TANC2: variants seen among roughly 807,000 people sequenced by gnomAD.
The protein encoded by TANC2 is protein TANC2.
In TANC2, 26 loss-of-function variants were observed where a neutral mutation model predicts 210.5. The ratio of observed to expected loss-of-function variants is 0.12; its 90% confidence interval spans 0.09 to 0.17. The LOEUF (loss-of-function observed/expected upper bound fraction) is 0.17, where lower values mean the gene tolerates loss of function less well. TANC2 is among the 10% of genes least tolerant of loss of function. The pLI is 1.00. For synonymous variants in TANC2, 931 were observed against 967.1 expected (o/e 0.96, Z 0.69); for missense variants, 2,129 against 2,608.9 (o/e 0.82, Z 4.01).
intron 4 of TANC2, among the ~76,000 whole-genome samples, chr17:63,106,309 A>G (rs1461883809): frequency 6.6e-6 from 1 of 151,724 alleles, no homozygotes; most frequent in African/African-American, 2.4e-5. Context: ...AGATTTTAGT[A>G]AGGCTCTATT....
intron 9 of TANC2, among the ~76,000 whole-genome samples, chr17:63,268,514 T>C (rs1238325514): frequency 6.6e-6 from 1 of 152,198 alleles, no homozygotes; most frequent in Non-Finnish European, 1.5e-5. Context: ...ATGCAAATAT[T>C]CCAAAGTCCA....
intron 17 of TANC2, among the ~76,000 whole-genome samples, chr17:63,392,350 A>G (rs2048008215): frequency 6.6e-6 from 1 of 152,216 alleles, no homozygotes; most frequent in Admixed American, 6.5e-5. Context: ...ATCACTCAGC[A>G]TCTTTACCCT....
intron 2 of TANC2, among the ~76,000 whole-genome samples, chr17:63,022,010 T>TC: frequency 1.3e-5 from 2 of 152,230 alleles, no homozygotes; most frequent in Admixed American, 1.3e-4. Context: ...CTGCAATGTG[T>TC]CCATGCCCTA....
chr17:63,082,942 T>G (rs1331877734), intron 3 of TANC2, among the ~76,000 whole-genome samples: 1 of 152,244 alleles, frequency 6.6e-6, no homozygotes, highest in Non-Finnish European at 1.5e-5. Flanking sequence ...TTCAAAGAGA[T>G]ACAGCCAAAT....
chr17:63,314,292 A>T (rs988086217), intron 9 of TANC2, 96 bp from the exon 10 acceptor site: 1 of 1,363,038 alleles, frequency 7.3e-7, no homozygotes, highest in African/African-American at 1.4e-5. Flanking sequence ...ATCATATGAT[A>T]ACTCAAGTCC....
intron 3 of TANC2, among the ~76,000 whole-genome samples, chr17:63,076,103 T>C (rs1209231246): frequency 6.6e-6 from 1 of 152,150 alleles, no homozygotes; most frequent in Non-Finnish European, 1.5e-5. Context: ...GGAGATGCAG[T>C]GACAATTGGT....
chr17:63,184,723 G>C (rs1023044000), intron 5 of TANC2, among the ~76,000 whole-genome samples: 1 of 149,282 alleles, frequency 6.7e-6, no homozygotes, highest in Admixed American at 6.7e-5. Context: ...GCACGATCTC[G>C]GCTCACTGCA....
chr17:63,239,954 A>T (rs1015659411), intron 8 of TANC2, among the ~76,000 whole-genome samples: 8 of 151,986 alleles, frequency 5.3e-5, no homozygotes, highest in Non-Finnish European at 8.8e-5. Context: ...CTTTTAAATG[A>T]CCCATTCTCT....
At chr17:63,051,588 TTATTA>T (rs1271542236) in intron 2 of TANC2, among the ~76,000 whole-genome samples, 2 of 152,190 alleles carry the variant, frequency 1.3e-5, no homozygotes, top group Non-Finnish European at 2.9e-5. Context: ...AAATTAAACT[TTATTA>T]TAGCTATGTA....
At chr17:63,086,315 T>G (rs1191616515) in intron 3 of TANC2, among the ~76,000 whole-genome samples, 1 of 152,120 alleles carries the variant, frequency 6.6e-6, no homozygotes, top group Non-Finnish European at 1.5e-5. Context: ...CCTTAAATAT[T>G]TCTTCTTCTG....
intron 7 of TANC2, among the ~76,000 whole-genome samples, chr17:63,214,023 G>A (rs909056443): frequency 6.6e-6 from 1 of 152,196 alleles, no homozygotes; most frequent in Non-Finnish European, 1.5e-5. Context: ...AAATGTAAGG[G>A]AAGATACTAC....
chr17:63,275,873 A>G (rs1292613819), intron 9 of TANC2, among the ~76,000 whole-genome samples: 1 of 152,182 alleles, frequency 6.6e-6, no homozygotes, highest in Non-Finnish European at 1.5e-5. Flanking sequence ...TAACTCTGCA[A>G]GATATCTCAC....
intron 4 of TANC2, among the ~76,000 whole-genome samples, chr17:63,126,002 A>G (rs1258207088): frequency 2.6e-5 from 4 of 152,288 alleles, no homozygotes; most frequent in Non-Finnish European, 4.4e-5. Flanking sequence ...CCTCTCCCTC[A>G]GTTTCCGCAT....
At chr17:63,052,567 A>G (rs1480818108) in intron 2 of TANC2, among the ~76,000 whole-genome samples, 1 of 152,174 alleles carries the variant, frequency 6.6e-6, no homozygotes, top group East Asian at 1.9e-4. Context: ...TTTGAATCAG[A>G]ATAGCTTGAT....
At chr17:63,191,121 G>A (rs1009182118) in intron 5 of TANC2, among the ~76,000 whole-genome samples, 14 of 151,800 alleles carry the variant, frequency 9.2e-5, no homozygotes, top group Non-Finnish European at 7.4e-5. Flanking sequence ...GAAACAAAAA[G>A]GGAAGAAAAA....
intron 2 of TANC2, among the ~76,000 whole-genome samples, chr17:63,037,250 G>A (rs928922767): frequency 6.6e-6 from 1 of 152,058 alleles, no homozygotes; most frequent in African/African-American, 2.4e-5. Flanking sequence ...AGTTACTAAC[G>A]GCAGGTACAG....
chr17:63,010,669 C>T (rs941176194), intron 2 of TANC2, among the ~76,000 whole-genome samples: 1 of 152,182 alleles, frequency 6.6e-6, no homozygotes, highest in African/African-American at 2.4e-5. Context: ...CTCTGTCCGA[C>T]TTGGCTACAA....
intron 2 of TANC2, among the ~76,000 whole-genome samples, chr17:63,051,432 C>G (rs1217897506): frequency 6.6e-6 from 1 of 152,098 alleles, no homozygotes; most frequent in Non-Finnish European, 1.5e-5. Flanking sequence ...CTTTTAGAGT[C>G]TTAGGAAAAT....
rs76385812 is a variant in TANC2 at position 63,079,816 on chromosome 17, C to G, written c.139+5802C>G. 8.0e-4 allele frequency among the ~76,000 whole-genome samples: 122 copies of G among 152,266 alleles called. 1 individual carries two copies. In the East Asian group the frequency reaches 0.021, roughly 27 times the overall value. The stretch of plus-strand genomic sequence containing the variant: ...CCTTTGTGTTAACAAGTTCCTTGGT[C>G]TCTGATCTGTCTCTCTGGTACAGTG... On this transcript the variant is annotated intron_variant, in intron 3 of 27. Transcript: ENST00000689528.
Sources: allele counts gnomAD v4.1 joint callset (sites outside exome capture counted in the v4.1 genomes callset), GRCh38; gene constraint gnomAD v4.1.1; transcripts MANE v1.5; gene names NCBI Gene and HGNC (gene_info 2026-07-23, HGNC 2026-07-21).